The following PGR variants were observed in gnomAD, a reference collection of about 807,000 sequenced individuals.
The protein encoded by PGR is progesterone receptor, also known as nuclear receptor subfamily 3 group C member 3.
In PGR, 25 loss-of-function variants were observed where a neutral mutation model predicts 76.1. That is an observed-to-expected ratio of 0.33 (90% CI 0.24 to 0.46). The LOEUF (loss-of-function observed/expected upper bound fraction) is 0.46, where lower values mean the gene tolerates loss of function less well. Ranked by LOEUF, PGR falls within the 20% of genes least tolerant of loss-of-function variation. PGR has a pLI of 1.00. For synonymous variants in PGR, 579 were observed against 535.0 expected, an observed-to-expected ratio of 1.08 and a Z score of -1.14; for missense variants, 1,172 against 1,225.3, an observed-to-expected ratio of 0.96 and a Z score of 0.65.
chr11:101,129,172 G>A lies in PGR; in HGVS notation c.-102C>T. On this transcript the variant is annotated 5_prime_UTR_variant, in exon 1 of 8. Coordinates refer to ENST00000325455, the MANE Select transcript of PGR (RefSeq NM_000926.4). ...ATAGGGGCAGAGGGAGGAGAAAGTG[G>A]GTGTTGAATGTGGCTGGACCGGAGG... is the stretch of plus-strand genomic sequence containing the variant. 1.3e-6 allele frequency: 1 copy of A among 795,172 alleles called. No homozygotes were observed. Among genetic ancestry groups the A allele is most frequent in the Non-Finnish European group, 1.7e-6 (1 of 577,816 alleles). The allele number at this position is 795,172 out of a possible 1,614,324, so 49.3% of individuals were successfully genotyped here.
In PGR at chr11:101,037,396, T is replaced by A. The variant is rs2135373444; in HGVS notation, c.*1720A>T. On this transcript the variant is annotated 3_prime_UTR_variant, in exon 8 of 8. Coordinates refer to ENST00000325455, the MANE Select transcript of PGR (RefSeq NM_000926.4). The stretch of plus-strand genomic sequence containing the variant: ...ATTCTCATAAGGCTTATTAGCACAT[T>A]TTTCTTGTGCTAATACCAGGTATTC... 4.6e-6 allele frequency: 1 copy of A among 218,016 alleles called. No individual in the cohort carries two copies. Among genetic ancestry groups the A allele is most frequent in the East Asian group, 6.8e-5 (1 of 14,694 alleles). 13.5% of individuals were successfully genotyped at this position (218,016 alleles called of 1,614,324 possible). A position where few individuals can be genotyped will look rare whatever the true frequency, so the allele number is the denominator to read the frequency against.
rs181670362 is a variant in PGR at position 101,070,113 on chromosome 11, A to G, written c.1907-7361T>C. Among the ~76,000 whole-genome samples, 53 of 152,212 alleles carry G rather than the reference A, an allele frequency of 3.5e-4. No homozygotes were observed. The East Asian group carries it at 8.3e-3, about 24-fold the overall frequency. ...AAGGTGGGTGATTTCTGCATTTTCA[A>G]CTGAGGTACCCACCTCATCTCATTG... On this transcript the variant is annotated intron_variant, in intron 3 of 7. Transcript: ENST00000325455.
At chr11:101,081,291 C>T (rs867912834) in intron 3 of PGR, among the ~76,000 whole-genome samples, 7 of 151,686 alleles carry the variant, frequency 4.6e-5, no homozygotes, top group African/African-American at 9.7e-5. Flanking sequence ...TAGCCAGACA[C>T]GGTGGCAGGC....
In PGR at chr11:101,030,867, G is replaced by A. The variant is rs571727086; in HGVS notation, c.*8249C>T. On this transcript the variant is annotated 3_prime_UTR_variant, in exon 8 of 8. Coordinates refer to ENST00000325455, the MANE Select transcript of PGR (RefSeq NM_000926.4). The stretch of plus-strand genomic sequence containing the variant: ...CAGCACATAGCAAGAGGAAGTGAGA[G>A]GCTTTCATGATTCAGAAGAAGGAAG... 20 of 194,776 alleles carry A rather than the reference G, an allele frequency of 1.0e-4. No individual in the cohort carries two copies. The highest frequency in any genetic ancestry group is 1.5e-4 in the Non-Finnish European group (14 of 93,358). 12.1% of individuals were successfully genotyped at this position (194,776 alleles called of 1,614,324 possible).
At chr11:101,108,384 C>A (rs1405233089) in intron 2 of PGR, among the ~76,000 whole-genome samples, 1 of 151,982 alleles carries the variant, frequency 6.6e-6, no homozygotes, top group Non-Finnish European at 1.5e-5. Flanking sequence ...AAAAAAATAT[C>A]TGGAGGTTGA....
intron 3 of PGR, among the ~76,000 whole-genome samples, chr11:101,079,831 T>C (rs954296567): frequency 2.6e-5 from 4 of 152,216 alleles, no homozygotes; most frequent in African/African-American, 9.6e-5. Context: ...CAGCACTATA[T>C]ATAATTGTCA....
intron 2 of PGR, among the ~76,000 whole-genome samples, chr11:101,097,023 C>T (rs1049932090): frequency 1.3e-5 from 2 of 152,110 alleles, no homozygotes; most frequent in African/African-American, 4.8e-5. Context: ...GAGTTCACCC[C>T]ACTAGGAGCC....
chr11:101,123,048 T>G (rs1862728948), intron 2 of PGR, among the ~76,000 whole-genome samples: 1 of 152,202 alleles, frequency 6.6e-6, no homozygotes. Context: ...GGAAGCACAG[T>G]GGTCAAGGGC....
intron 7 of PGR, among the ~76,000 whole-genome samples, chr11:101,039,943 A>G (rs1859641600): frequency 6.6e-6 from 1 of 152,062 alleles, no homozygotes; most frequent in South Asian, 2.1e-4. Flanking sequence ...TAGGAAATGA[A>G]GAAAATGAAG....
At chr11:101,063,399 A>T (rs910141127) in intron 3 of PGR, 8 of 152,284 alleles carry the variant, frequency 5.3e-5, no homozygotes, top group African/African-American at 1.9e-4. Flanking sequence ...TGCTGGTCAG[A>T]TCACATTTGT....
At chr11:101,112,910 T>A (rs1304557267) in intron 2 of PGR, among the ~76,000 whole-genome samples, 1 of 152,214 alleles carries the variant, frequency 6.6e-6, no homozygotes, top group Non-Finnish European at 1.5e-5. Context: ...TCTGTGCAAG[T>A]GATTTAAAAT....
At chr11:101,106,222 C>G (rs1184400155) in intron 2 of PGR, among the ~76,000 whole-genome samples, 1 of 152,092 alleles carries the variant, frequency 6.6e-6, no homozygotes, top group Non-Finnish European at 1.5e-5. Flanking sequence ...CCAAAATTGA[C>G]AAATGGGATC....
At chr11:101,049,641 T>G (rs1169253240) in intron 6 of PGR, among the ~76,000 whole-genome samples, 1 of 152,180 alleles carries the variant, frequency 6.6e-6, no homozygotes, top group African/African-American at 2.4e-5. Flanking sequence ...ATGTGGCACA[T>G]GACTGTAGTT....
chr11:101,103,486 C>T (rs1029334349), intron 2 of PGR, among the ~76,000 whole-genome samples: 1 of 152,148 alleles, frequency 6.6e-6, no homozygotes, highest in Non-Finnish European at 1.5e-5. Context: ...TCACCCTGAA[C>T]TACAGGACAC....
intron 6 of PGR, among the ~76,000 whole-genome samples, chr11:101,045,921 T>C (rs1017548141): frequency 1.3e-5 from 2 of 152,102 alleles, no homozygotes; most frequent in African/African-American, 2.4e-5. Flanking sequence ...AATCTCCATA[T>C]GGTGTTCCAT....
intron 3 of PGR, among the ~76,000 whole-genome samples, chr11:101,088,558 T>C (rs1426028858): frequency 2.6e-5 from 4 of 152,108 alleles, no homozygotes; most frequent in Non-Finnish European, 5.9e-5. Flanking sequence ...GGTCTCCATC[T>C]CCTGAACTCA....
chr11:101,060,618 A>G lies in PGR; in HGVS notation c.2212+1829T>C, dbSNP rs542782116. ...AGAGGTCAAATAGTCACTCTAGCTC[A>G]CTGACCATTTTCATAATTCATTCAA... On this transcript the variant is annotated intron_variant, in intron 4 of 7. Coordinates refer to ENST00000325455, the MANE Select transcript of PGR (RefSeq NM_000926.4). Among the ~76,000 whole-genome samples the G allele has an allele frequency of 2.0e-5, 3 of 152,326 alleles. No individual in the cohort carries two copies. In the East Asian group the frequency reaches 5.8e-4, roughly 29 times the overall value.
chr11:101,066,494 GT>G (rs1292486903), intron 3 of PGR, among the ~76,000 whole-genome samples: 1 of 152,076 alleles, frequency 6.6e-6, no homozygotes, highest in Non-Finnish European at 1.5e-5. Context: ...TCTGCATCTA[GT>G]TCTATGTCTC....
At chr11:101,052,952 C>T (rs1012533229) in intron 4 of PGR, among the ~76,000 whole-genome samples, 1 of 151,940 alleles carries the variant, frequency 6.6e-6, no homozygotes, top group African/African-American at 2.4e-5. Context: ...ATTCAGGGGT[C>T]AACATCCTGG....
Sources: gnomAD v4.1 joint callset for allele counts (sites outside exome capture counted in the v4.1 genomes callset) on GRCh38, gnomAD v4.1.1 for gene constraint, MANE v1.5 for transcripts, NCBI Gene and HGNC (gene_info 2026-07-23, HGNC 2026-07-21) for gene names.